NET1: variants seen among roughly 807,000 people sequenced by gnomAD.
NET1 encodes the protein neuroepithelial cell-transforming gene 1 protein.
In NET1, 42 loss-of-function variants were observed where a neutral mutation model predicts 61.1. The ratio of observed to expected loss-of-function variants is 0.69; its 90% CI spans 0.54 to 0.89. The LOEUF is 0.89. Among genes scored for constraint, NET1 ranks in the 40% least tolerant of loss-of-function variants. NET1 has a pLI of 0.00. For missense variants in NET1, 654 were observed against 747.3 expected (o/e 0.88, Z 1.46); for synonymous variants, 254 against 281.8 (o/e 0.90, Z 0.99).
In NET1 at chr10:5,412,710, G is replaced by T; in HGVS notation, c.18G>T (p.Ala6=). 1 of 1,474,314 alleles carries T rather than the reference G, an allele frequency of 6.8e-7. No individual in the cohort carries two copies. The highest frequency in any genetic ancestry group is 8.9e-7 in the Non-Finnish European group (1 of 1,122,160). The allele number at this position is 1,474,314 out of a possible 1,614,324, so 91.3% of individuals were successfully genotyped here. The change falls in exon 1 of 12, where the codon GCG becomes GCT. Residue 6 remains alanine (A), a synonymous_variant. Transcript: ENST00000355029. This position sits in a 1 kb window ranked among gnomAD's most constrained non-coding sequence, Gnocchi z 6.5. MEPEL[A]AQKQPRPRRR... ...TCCGTGCCATGGAGCCCGAGCTGGC[G>T]GCTCAGAAGCAGCCTCGACCGCGGA... is the stretch of plus-strand genomic sequence containing the variant.
At position 5,415,633 on chromosome 10, in the gene NET1, G is replaced by A. The variant is rs1832070100; in HGVS notation, c.128+2813G>A. 6.6e-6 allele frequency among the ~76,000 whole-genome samples: 1 copy of A among 152,088 alleles called. No homozygotes were observed. The highest frequency in any genetic ancestry group is 1.5e-5 in the Non-Finnish European group (1 of 68,016). ...TTTTTGTATTTTTAGTAAAGACAGGGTTTCACCATGTTGGCTAGGCTGGTC... is the reference window on the plus strand; with the variant it reads ...TTTTTGTATTTTTAGTAAAGACAGGATTTCACCATGTTGGCTAGGCTGGTC... On this transcript the variant is annotated intron_variant, in intron 1 of 11. Transcript: ENST00000355029. This position sits in a 1 kb window ranked among gnomAD's most constrained non-coding sequence, Gnocchi z 4.7.
At position 5,451,615 on chromosome 10, in the gene NET1, T is replaced by C. The variant is rs1425312778; in HGVS notation, c.256-215T>C. Among the ~76,000 whole-genome samples, 1 of 152,216 alleles carries C rather than the reference T, an allele frequency of 6.6e-6. No homozygotes were observed. Among genetic ancestry groups the C allele is most frequent in the Non-Finnish European group, 1.5e-5 (1 of 68,042 alleles). On this transcript the variant is annotated intron_variant, in intron 3 of 11. Transcript: ENST00000355029. The surrounding 1 kb of genome is among the most constrained non-coding windows in gnomAD (Gnocchi z 6.1). ...TAATTTTTTCCCCTATTGGAAATATTTGACTGGCCTTTCTTACACACTTAT... is the reference window on the plus strand; with the variant it reads ...TAATTTTTTCCCCTATTGGAAATATCTGACTGGCCTTTCTTACACACTTAT...
chr10:5,433,377 A>G (rs1374916816), intron 3 of NET1, among the ~76,000 whole-genome samples: 5 of 152,206 alleles, frequency 3.3e-5, no homozygotes. Flanking sequence ...ACACTGCAGT[A>G]TCTGGGCTGA....
rs1158858689 is a variant in NET1, at chr10:5,453,591, G to A, written c.768+31G>A. ...TAGTGAGTTGTTGACCCCAGATACAGTTTCTTACAGATGTGCCATGTTGCA... is the reference window on the plus strand; with the variant it reads ...TAGTGAGTTGTTGACCCCAGATACAATTTCTTACAGATGTGCCATGTTGCA... On this transcript the variant is annotated intron_variant, in intron 8 of 11. Coordinates refer to ENST00000355029, the MANE Select transcript of NET1 (RefSeq NM_001047160.3). This position sits in a 1 kb window ranked among gnomAD's most constrained non-coding sequence, Gnocchi z 4.9. 6.3e-7 allele frequency: 1 copy of A among 1,578,202 alleles called. No homozygotes were observed. Among genetic ancestry groups the A allele is most frequent in the Non-Finnish European group, 8.7e-7 (1 of 1,147,400 alleles).
chr10:5,454,861 C>A lies in NET1; in HGVS notation c.1027-87C>A. The A allele has an allele frequency of 7.8e-7, 1 of 1,274,360 alleles. No homozygotes were observed. The highest frequency in any genetic ancestry group is 1.1e-6 in the Non-Finnish European group (1 of 896,464). 78.9% of individuals were successfully genotyped at this position (1,274,360 alleles called of 1,614,324 possible). A position where few individuals can be genotyped will look rare whatever the true frequency, so the allele number is the denominator to read the frequency against. ...AGTCCCTTCAAGCTTTAAAGTTCTT[C>A]CATTCCATATGACATTTTTGCTCTG... On this transcript the variant is annotated intron_variant, in intron 9 of 11. Coordinates refer to ENST00000355029, the MANE Select transcript of NET1 (RefSeq NM_001047160.3). This position sits in a 1 kb window ranked among gnomAD's most constrained non-coding sequence, Gnocchi z 8.1.
Position 5,454,222 on chromosome 10 carries a change from C to A in NET1, c.769-43C>A. The A allele has an allele frequency of 2.6e-6, 4 of 1,568,298 alleles. No individual in the cohort carries two copies. The South Asian group carries it at 4.8e-5, about 19-fold the overall frequency. On this transcript the variant is annotated intron_variant, in intron 8 of 11. Coordinates refer to ENST00000355029, the MANE Select transcript of NET1 (RefSeq NM_001047160.3). This position sits in a 1 kb window ranked among gnomAD's most constrained non-coding sequence, Gnocchi z 8.1. ...TTGCAGGCTTGTTAATGCACTCGGT[C>A]ATAACAGGAACACATCATACCTTTT...
intron 3 of NET1, among the ~76,000 whole-genome samples, chr10:5,442,429 C>T (rs1433348895): frequency 7.2e-6 from 1 of 139,170 alleles, no homozygotes; most frequent in African/African-American, 2.6e-5. Context: ...CAGTTTTTCA[C>T]TTGAAAGGGG....
Position 5,457,916 on chromosome 10 carries a change from G to A in NET1, c.*922G>A, listed in dbSNP as rs922019217. 2 of 152,558 alleles carry A rather than the reference G, an allele frequency of 1.3e-5. No homozygotes were observed. Among genetic ancestry groups the A allele is most frequent in the South Asian group, 2.1e-4 (1 of 4,828 alleles). 9.5% of individuals were successfully genotyped at this position (152,558 alleles called of 1,614,324 possible). ...TTCAAAGATTTTGTTGAAAGTTTTA[G>A]TGTTGTCTGAAATGCAAGAGGGAAG... On this transcript the variant is annotated 3_prime_UTR_variant, in exon 12 of 12. Transcript: ENST00000355029. This position sits in a 1 kb window ranked among gnomAD's most constrained non-coding sequence, Gnocchi z 5.4.
Position 5,440,612 on chromosome 10 carries a change from T to A in NET1, c.256-11218T>A, listed in dbSNP as rs1181984000. ...CAATACTGCTTCTGACTTACCATCT[T>A]GGCCCAGGTGTAAGGGGTGAAATTT... is the stretch of plus-strand genomic sequence containing the variant. On this transcript the variant is annotated intron_variant, in intron 3 of 11. Transcript: ENST00000355029. This position sits in a 1 kb window ranked among gnomAD's most constrained non-coding sequence, Gnocchi z 4.1. Among the ~76,000 whole-genome samples, 1 of 152,200 alleles carries A rather than the reference T, an allele frequency of 6.6e-6. No individual in the cohort carries two copies. The highest frequency in any genetic ancestry group is 2.4e-5 in the African/African-American group (1 of 41,444).
rs1371298920 is a variant in NET1, at chr10:5,426,172, G to A, written c.129-483G>A. ...TTTGTATTTTGTTTGTTAAATTGCA[G>A]TTTTAAAAAATTAGGGATTTACATG... On this transcript the variant is annotated intron_variant, in intron 1 of 11. Coordinates refer to ENST00000355029, the MANE Select transcript of NET1 (RefSeq NM_001047160.3). The surrounding 1 kb of genome is among the most constrained non-coding windows in gnomAD (Gnocchi z 4.6). Among the ~76,000 whole-genome samples, 1 of 152,122 alleles carries A rather than the reference G, an allele frequency of 6.6e-6. No homozygotes were observed. The highest frequency in any genetic ancestry group is 1.9e-4 in the East Asian group (1 of 5,200).
chr10:5,438,601 C>T (rs1262983051), intron 3 of NET1, among the ~76,000 whole-genome samples: 1 of 152,092 alleles, frequency 6.6e-6, no homozygotes, highest in African/African-American at 2.4e-5. Flanking sequence ...AATCAAAAAC[C>T]TCTCAACAAA....
chr10:5,453,199 TC>T lies in NET1; in HGVS notation c.595-50del. 1 of 1,046,118 alleles carries T rather than the reference TC, an allele frequency of 9.6e-7. No homozygotes were observed. The highest frequency in any genetic ancestry group is 1.5e-6 in the Non-Finnish European group (1 of 662,490). 64.8% of individuals were successfully genotyped at this position (1,046,118 alleles called of 1,614,324 possible). A position where few individuals can be genotyped will look rare whatever the true frequency, so the allele number is the denominator to read the frequency against. Reference sequence around the variant, plus strand: ...CTCTTTGTTTCCAAGTATAGATCCCTCATGTTTTCCTCACATGATCTCTCTG... The same window carrying T: ...CTCTTTGTTTCCAAGTATAGATCCCTATGTTTTCCTCACATGATCTCTCTG... On this transcript the variant is annotated intron_variant, in intron 6 of 11. Transcript: ENST00000355029. The surrounding 1 kb of genome is among the most constrained non-coding windows in gnomAD (Gnocchi z 4.9).
intron 1 of NET1, among the ~76,000 whole-genome samples, chr10:5,418,726 G>C (rs1832118964): frequency 6.6e-6 from 1 of 152,010 alleles, no homozygotes; most frequent in South Asian, 2.1e-4. Context: ...TTTAGGTTTA[G>C]TTGGCCCTTT....
intron 2 of NET1, among the ~76,000 whole-genome samples, chr10:5,428,444 G>C (rs199672263): frequency 8.7e-4 from 9 of 10,306 alleles, no homozygotes; most frequent in African/African-American, 1.2e-3. Context: ...ATGAGAAAAG[G>C]ATTTTTTTTT....
rs1832618266 is a variant in NET1 at position 5,446,716 on chromosome 10, C to T, written c.256-5114C>T. The T allele has an allele frequency of 2.6e-6, 4 of 1,532,574 alleles. No homozygotes were observed. The highest frequency in any genetic ancestry group is 4.7e-5 in the East Asian group (2 of 42,554). The allele number at this position is 1,532,574 out of a possible 1,614,324, so 94.9% of individuals were successfully genotyped here. A position where few individuals can be genotyped will look rare whatever the true frequency, so the allele number is the denominator to read the frequency against. Reference sequence around the variant, plus strand: ...GCCTCTGCATAGCGTCGCTACAGCGCTGACTCGGTGTGGATTGATTGGAAA... The same window carrying T: ...GCCTCTGCATAGCGTCGCTACAGCGTTGACTCGGTGTGGATTGATTGGAAA... On this transcript the variant is annotated intron_variant, in intron 3 of 11. Transcript: ENST00000355029. The surrounding 1 kb of genome is among the most constrained non-coding windows in gnomAD (Gnocchi z 5.0).
rs11253181 is a variant in NET1 at position 5,444,924 on chromosome 10, A to C, written c.256-6906A>C. Among the ~76,000 whole-genome samples, 6,227 of 152,272 alleles carry C rather than the reference A, an allele frequency of 0.041. 171 individuals are homozygous for C. Among genetic ancestry groups the C allele is most frequent in the South Asian group, 0.094 (456 of 4,828 alleles). On this transcript the variant is annotated intron_variant, in intron 3 of 11. Transcript: ENST00000355029. This position sits in a 1 kb window ranked among gnomAD's most constrained non-coding sequence, Gnocchi z 5.3. ...TGTTCCTTCTTATTTCTTGATTTGC[A>C]CTAACAGTTACCCCTCCTATTTAAA...
intron 3 of NET1, among the ~76,000 whole-genome samples, chr10:5,430,169 G>T (rs1055510430): frequency 2.6e-5 from 4 of 152,082 alleles, no homozygotes; most frequent in Non-Finnish European, 5.9e-5. Context: ...AAAAAAGTAT[G>T]AAATGACAAC....
At chr10:5,434,041 T>C (rs1832387419) in intron 3 of NET1, among the ~76,000 whole-genome samples, 1 of 152,202 alleles carries the variant, frequency 6.6e-6, no homozygotes, top group Admixed American at 6.5e-5. Flanking sequence ...TACTTCACGC[T>C]GTAGAGACAT....
intron 1 of NET1, among the ~76,000 whole-genome samples, chr10:5,413,850 T>C (rs1337086348): frequency 6.6e-6 from 1 of 152,210 alleles, no homozygotes; most frequent in Non-Finnish European, 1.5e-5. Flanking sequence ...AAAATACTCT[T>C]GTTACTATTT....
Sources: allele counts gnomAD v4.1 joint callset (sites outside exome capture counted in the v4.1 genomes callset), GRCh38; gene constraint gnomAD v4.1.1; non-coding constraint Gnocchi (gnomAD v3.1); transcripts MANE v1.5; gene names NCBI Gene and HGNC (gene_info 2026-07-23, HGNC 2026-07-21).